ADAMTS18: variants seen among roughly 807,000 people sequenced by gnomAD.
The protein encoded by ADAMTS18 is ADAM metallopeptidase with thrombospondin type 1 motif 18.
ADAMTS18 carries 157 observed loss-of-function variants against 165.9 expected under a neutral mutation model. That is an observed-to-expected ratio of 0.95 (90% CI 0.83 to 1.08). The LOEUF (loss-of-function observed/expected upper bound fraction) is 1.08, where lower values mean the gene tolerates loss of function less well. Ranked by LOEUF, ADAMTS18 falls within the 50% of genes least tolerant of loss-of-function variation. The pLI is 0.00. For synonymous variants in ADAMTS18, 782 were observed against 578.2 expected (o/e 1.35, Z -5.06); for missense variants, 2,040 against 1,534.0 (o/e 1.33, Z -5.51).
At position 77,434,602 on chromosome 16, in the gene ADAMTS18, C is replaced by G. The variant is rs2144875649; in HGVS notation, c.90+4G>C. On this transcript the variant is annotated splice_donor_region_variant and intron_variant, in intron 1 of 22. Coordinates refer to ENST00000282849, the MANE Select transcript of ADAMTS18 (RefSeq NM_199355.4). ...CTCTCGGAGCTCCGCTCGGCGGCAC[C>G]TGCCTTGGCCACGCGCCCCAGTCCC... is the stretch of plus-strand genomic sequence containing the variant. The G allele has an allele frequency of 6.6e-7, 1 of 1,524,114 alleles. No individual in the cohort carries two copies. The highest frequency in any genetic ancestry group is 8.8e-7 in the Non-Finnish European group (1 of 1,141,260). The allele number at this position is 1,524,114 out of a possible 1,614,324, so 94.4% of individuals were successfully genotyped here. A position where few individuals can be genotyped will look rare whatever the true frequency, so the allele number is the denominator to read the frequency against.
intron 16 of ADAMTS18, among the ~76,000 whole-genome samples, chr16:77,308,426 G>C (rs2055719958): frequency 1.3e-5 from 2 of 152,192 alleles, no homozygotes; most frequent in Admixed American, 6.5e-5. Context: ...GTGTGTATGT[G>C]GGTGAGAGAG....
intron 16 of ADAMTS18, among the ~76,000 whole-genome samples, chr16:77,303,551 ATCT>A (rs1309338715): frequency 1.3e-5 from 2 of 151,998 alleles, no homozygotes; most frequent in African/African-American, 4.8e-5. Context: ...CCTCTCTCAT[ATCT>A]TACCACCTCA....
chr16:77,418,838 A>C (rs561792315), intron 3 of ADAMTS18, among the ~76,000 whole-genome samples: 1 of 152,314 alleles, frequency 6.6e-6, no homozygotes, highest in South Asian at 2.1e-4. Context: ...AAATTACCAC[A>C]AACTCAGCAG....
At chr16:77,297,999 A>C (rs888091310) in intron 17 of ADAMTS18, among the ~76,000 whole-genome samples, 3 of 128,298 alleles carry the variant, frequency 2.3e-5, no homozygotes, top group Non-Finnish European at 3.1e-5. Context: ...ATCTTGGCTC[A>C]CTGCAACCTC....
intron 3 of ADAMTS18, among the ~76,000 whole-genome samples, chr16:77,399,593 C>T (rs2057300393): frequency 6.6e-6 from 1 of 152,138 alleles, no homozygotes; most frequent in Non-Finnish European, 1.5e-5. Flanking sequence ...TGCTTAATCA[C>T]CCTGACCTTT....
intron 3 of ADAMTS18, among the ~76,000 whole-genome samples, chr16:77,417,917 A>G (rs2144842002): frequency 6.6e-6 from 1 of 152,324 alleles, no homozygotes; most frequent in Middle Eastern, 3.4e-3. Flanking sequence ...CTTACAGGTC[A>G]AGAGAATATA....
chr16:77,373,688 A>G lies in ADAMTS18; in HGVS notation c.496-5965T>C, dbSNP rs116171383. 5.1e-3 allele frequency among the ~76,000 whole-genome samples: 782 copies of G among 152,172 alleles called. 4 individuals are homozygous for G. Among genetic ancestry groups the G allele is most frequent in the African/African-American group, 0.014 (569 of 41,502 alleles). ...AAAGAACTTACTTATGTAACCAAAC[A>G]CCATCTGTCCCCCAAAAACCTATGG... On this transcript the variant is annotated intron_variant, in intron 3 of 22. Coordinates refer to ENST00000282849, the MANE Select transcript of ADAMTS18 (RefSeq NM_199355.4).
At chr16:77,313,421 T>C (rs965260104) in intron 16 of ADAMTS18, among the ~76,000 whole-genome samples, 17 of 149,244 alleles carry the variant, frequency 1.1e-4, no homozygotes, top group Non-Finnish European at 2.1e-4. Context: ...TGTGCACATG[T>C]GCCCTAGAAC....
intron 8 of ADAMTS18, 110 bp downstream of exon 8, chr16:77,359,208 A>T: frequency 1.0e-6 from 1 of 956,576 alleles, no homozygotes; most frequent in Non-Finnish European, 1.6e-6. Context: ...TAAGCTTTAC[A>T]CAAGACTGAT....
At chr16:77,302,983 C>G (rs2055613783) in intron 16 of ADAMTS18, among the ~76,000 whole-genome samples, 1 of 152,152 alleles carries the variant, frequency 6.6e-6, no homozygotes. Flanking sequence ...TCAAGCCAAC[C>G]ATACAAAATT....
At chr16:77,364,076 C>A in intron 5 of ADAMTS18, 112 bp downstream of exon 5, 1 of 1,415,816 alleles carries the variant, frequency 7.1e-7, no homozygotes, top group Non-Finnish European at 1.0e-6. Flanking sequence ...ATGGCAGAAA[C>A]TGCAATTACA....
At chr16:77,342,082 G>T (rs1344977986) in intron 10 of ADAMTS18, among the ~76,000 whole-genome samples, 1 of 152,164 alleles carries the variant, frequency 6.6e-6, no homozygotes, top group Admixed American at 6.5e-5. Flanking sequence ...GATAGATCTG[G>T]TTTCTCATGA....
chr16:77,290,399 A>T (rs1417379403), intron 21 of ADAMTS18: 5 of 152,130 alleles, frequency 3.3e-5, no homozygotes, highest in Admixed American at 1.3e-4. Context: ...CTGTTTGCTG[A>T]CCCCTTAATC....
At chr16:77,362,404 G>C (rs2056729146) in intron 6 of ADAMTS18, 140 bp from the exon 7 acceptor site, 3 of 871,058 alleles carry the variant, frequency 3.4e-6, no homozygotes, top group Non-Finnish European at 5.4e-6. Flanking sequence ...GTAGGAGACA[G>C]GAAAATCTCT....
Position 77,431,615 on chromosome 16 carries a change from C to G in ADAMTS18, c.179-4G>C, listed in dbSNP as rs187941259. The G allele has an allele frequency of 1.7e-5, 28 of 1,613,670 alleles. No homozygotes were observed. The Admixed American group carries it at 4.0e-4, about 23-fold the overall frequency. On this transcript the variant is annotated splice_polypyrimidine_tract_variant and splice_region_variant and intron_variant, in intron 2 of 22. Transcript: ENST00000282849. ...ACTGGCGTGACAAAGACGTAATCTGCAATGGGAAAAGTTCAGCTGTCAGCA... is the reference window on the plus strand; with the variant it reads ...ACTGGCGTGACAAAGACGTAATCTGGAATGGGAAAAGTTCAGCTGTCAGCA...
At chr16:77,318,356 G>T (rs192967432) in intron 16 of ADAMTS18, among the ~76,000 whole-genome samples, 1 of 152,290 alleles carries the variant, frequency 6.6e-6, no homozygotes, top group Non-Finnish European at 1.5e-5. Flanking sequence ...AGCCTTGCCA[G>T]TATTGGTGCT....
At chr16:77,428,176 C>G (rs981922663) in intron 3 of ADAMTS18, among the ~76,000 whole-genome samples, 3 of 152,146 alleles carry the variant, frequency 2.0e-5, no homozygotes, top group Non-Finnish European at 4.4e-5. Context: ...AGTTTCATCT[C>G]CCAGTCTCAT....
rs558927259 is a variant in ADAMTS18 at position 77,311,541 on chromosome 16, C to A, written c.2532+8308G>T. Among the ~76,000 whole-genome samples, 98 of 152,162 alleles carry A rather than the reference C, an allele frequency of 6.4e-4. 2 individuals are homozygous for A. Among genetic ancestry groups the A allele is most frequent in the African/African-American group, 2.3e-3 (96 of 41,526 alleles). ...TTATAATTTTATGTTTTTAGAATAT[C>A]TGTGTTCCATCCATTTTAGAGAGAT... On this transcript the variant is annotated intron_variant, in intron 16 of 22. Transcript: ENST00000282849.
Position 77,347,642 on chromosome 16 carries a change from T to C in ADAMTS18, c.1615-5843A>G, listed in dbSNP as rs146774305. Among the ~76,000 whole-genome samples the C allele has an allele frequency of 2.4e-3, 367 of 152,252 alleles. 4 individuals are homozygous for C. Among genetic ancestry groups the C allele is most frequent in the African/African-American group, 7.3e-3 (304 of 41,552 alleles). On this transcript the variant is annotated intron_variant, in intron 10 of 22. Coordinates refer to ENST00000282849, the MANE Select transcript of ADAMTS18 (RefSeq NM_199355.4). ...TTATTTGATATATTCCTGAGAGCAA[T>C]TGATATTGAGTACCATTTCATGCAT... is the stretch of plus-strand genomic sequence containing the variant.
Sources: gnomAD v4.1 joint callset for allele counts (sites outside exome capture counted in the v4.1 genomes callset) on GRCh38, gnomAD v4.1.1 for gene constraint, MANE v1.5 for transcripts, NCBI Gene and HGNC (gene_info 2026-07-23, HGNC 2026-07-21) for gene names.